ARHGAP24: variants seen among roughly 807,000 people sequenced by gnomAD.
ARHGAP24 encodes rho GTPase-activating protein 24.
In ARHGAP24, 50 loss-of-function variants were observed where a neutral mutation model predicts 76.4. That is an observed-to-expected ratio of 0.65 (90% CI 0.52 to 0.83). The LOEUF (loss-of-function observed/expected upper bound fraction) is 0.83. Ranked by LOEUF, ARHGAP24 falls within the 40% of genes least tolerant of loss-of-function variation. ARHGAP24 has a pLI of 0.00. For synonymous variants in ARHGAP24, 345 were observed against 323.3 expected (o/e 1.07, Z -0.72); for missense variants, 930 against 914.2 (o/e 1.02, Z -0.22).
At chr4:85,974,009 A>ATTTTTT (rs201491396) in intron 6 of ARHGAP24, among the ~76,000 whole-genome samples, 2 of 127,122 alleles carry the variant, frequency 1.6e-5, no homozygotes. Flanking sequence ...AGCCTGGCTA[A>ATTTTTT]TTTTTTTTTT....
chr4:85,910,264 G>A (rs1056537402), intron 3 of ARHGAP24, among the ~76,000 whole-genome samples: 30 of 152,172 alleles, frequency 2.0e-4, no homozygotes, highest in Admixed American at 2.0e-3. Flanking sequence ...CCAAGTCTGA[G>A]CTCCCTGAGG....
chr4:85,574,468 G>A (rs971548359), intron 2 of ARHGAP24, among the ~76,000 whole-genome samples: 4 of 152,140 alleles, frequency 2.6e-5, no homozygotes, highest in Admixed American at 2.6e-4. Flanking sequence ...TAGATAAATT[G>A]GGGAAAGGAA....
intron 3 of ARHGAP24, among the ~76,000 whole-genome samples, chr4:85,825,287 T>C (rs1423784260): frequency 6.6e-6 from 1 of 152,128 alleles, no homozygotes; most frequent in Non-Finnish European, 1.5e-5. Flanking sequence ...GACACTTACT[T>C]AAAGGGTAGA....
intron 3 of ARHGAP24, among the ~76,000 whole-genome samples, chr4:85,825,471 C>A (rs1729669603): frequency 6.6e-6 from 1 of 152,174 alleles, no homozygotes; most frequent in South Asian, 2.1e-4. Context: ...CATCGAAGGT[C>A]AAGAGATTGC....
At chr4:85,595,915 G>C (rs1311273868) in intron 2 of ARHGAP24, among the ~76,000 whole-genome samples, 2 of 151,938 alleles carry the variant, frequency 1.3e-5, no homozygotes, top group East Asian at 3.9e-4. Context: ...TGATCTAAAA[G>C]ATAACATAAA....
At chr4:85,615,404 G>T (rs535788046) in intron 2 of ARHGAP24, among the ~76,000 whole-genome samples, 2 of 152,188 alleles carry the variant, frequency 1.3e-5, no homozygotes, top group South Asian at 4.1e-4. Context: ...GTCACTGAGA[G>T]ACTTCACTGA....
chr4:85,881,994 G>A (rs1242280040), intron 3 of ARHGAP24, among the ~76,000 whole-genome samples: 1 of 152,098 alleles, frequency 6.6e-6, no homozygotes, highest in African/African-American at 2.4e-5. Context: ...TGATCATTTA[G>A]TAAAGGAAAA....
intron 3 of ARHGAP24, among the ~76,000 whole-genome samples, chr4:85,844,406 A>G (rs902431558): frequency 2.6e-5 from 4 of 152,326 alleles, no homozygotes; most frequent in Middle Eastern, 3.4e-3. Context: ...TTTCCCCCTA[A>G]ACAAAAGTGT....
chr4:85,770,911 C>T (rs1727107887), intron 3 of ARHGAP24, among the ~76,000 whole-genome samples: 1 of 152,118 alleles, frequency 6.6e-6, no homozygotes, highest in Admixed American at 6.6e-5. Flanking sequence ...GGAGAGTGAA[C>T]TGAGATTTGA....
chr4:85,795,041 G>A (rs922933301), intron 3 of ARHGAP24, among the ~76,000 whole-genome samples: 2 of 152,228 alleles, frequency 1.3e-5, no homozygotes, highest in South Asian at 2.1e-4. Context: ...GATCCTTTTC[G>A]GAATTCGTAG....
At chr4:85,524,614 G>T (rs969662183) in intron 1 of ARHGAP24, among the ~76,000 whole-genome samples, 4 of 152,136 alleles carry the variant, frequency 2.6e-5, no homozygotes, top group African/African-American at 9.7e-5. Flanking sequence ...AGGCCACACA[G>T]CAAGAGATGG....
intron 4 of ARHGAP24, among the ~76,000 whole-genome samples, chr4:85,931,352 C>T (rs1369956136): frequency 1.3e-5 from 2 of 152,108 alleles, no homozygotes; most frequent in Non-Finnish European, 2.9e-5. Context: ...CCAGAGTGAT[C>T]TTGGGCCCTT....
At chr4:85,867,889 G>A (rs1229782819) in intron 3 of ARHGAP24, among the ~76,000 whole-genome samples, 6 of 42,458 alleles carry the variant, frequency 1.4e-4, no homozygotes, top group South Asian at 1.9e-3. Flanking sequence ...TATATAATGT[G>A]TGTGTGTACA....
intron 1 of ARHGAP24, among the ~76,000 whole-genome samples, chr4:85,525,059 T>G (rs1724926588): frequency 6.6e-6 from 1 of 152,104 alleles, no homozygotes; most frequent in Non-Finnish European, 1.5e-5. Flanking sequence ...TCTCTTAACC[T>G]TTTAGCTAGA....
chr4:85,535,450 C>T (rs566993918), intron 1 of ARHGAP24, among the ~76,000 whole-genome samples: 15 of 152,092 alleles, frequency 9.9e-5, no homozygotes, highest in Non-Finnish European at 1.8e-4. Context: ...ATTAAAGTTC[C>T]GAAGAGCTCA....
intron 3 of ARHGAP24, among the ~76,000 whole-genome samples, chr4:85,836,423 G>A (rs747995718): frequency 3.8e-4 from 58 of 152,224 alleles, no homozygotes; most frequent in Non-Finnish European, 5.7e-4. Flanking sequence ...GTCTGTTCTC[G>A]GTCTTTCTCC....
At chr4:85,864,562 T>C (rs978526001) in intron 3 of ARHGAP24, among the ~76,000 whole-genome samples, 2 of 152,062 alleles carry the variant, frequency 1.3e-5, no homozygotes, top group South Asian at 4.1e-4. Context: ...AAAGACCTGA[T>C]GCCAAACTTA....
intron 4 of ARHGAP24, among the ~76,000 whole-genome samples, chr4:85,928,410 G>C (rs1469099107): frequency 6.6e-6 from 1 of 151,988 alleles, no homozygotes; most frequent in Non-Finnish European, 1.5e-5. Flanking sequence ...GTCTAGTCCG[G>C]AATCTGAGAT....
At chr4:85,795,624 T>G (rs28522299) in intron 3 of ARHGAP24, among the ~76,000 whole-genome samples, 39,443 of 152,030 alleles carry the variant, frequency 0.26, 5,407 homozygotes, top group African/African-American at 0.3. Context: ...CTCACTTGGA[T>G]AGTATCTTTG....
Sources: gnomAD v4.1 joint callset for allele counts (sites outside exome capture counted in the v4.1 genomes callset) on GRCh38, gnomAD v4.1.1 for gene constraint, MANE v1.5 for transcripts, NCBI Gene and HGNC (gene_info 2026-07-23, HGNC 2026-07-21) for gene names.